The following PCDH15 variants were observed in gnomAD, a reference collection of about 807,000 sequenced individuals.
PCDH15 encodes protocadherin-15.
Under a neutral mutation model 178.5 loss-of-function variants are expected in PCDH15, and 129 were observed. The ratio of observed to expected loss-of-function variants is 0.72; its 90% confidence interval spans 0.63 to 0.84. The LOEUF is 0.84. Ranked by LOEUF, PCDH15 falls within the 40% of genes least tolerant of loss-of-function variation. PCDH15 has a pLI of 0.00. For missense variants in PCDH15, 2,230 were observed against 2,099.9 expected (o/e 1.06, Z -1.21); for synonymous variants, 800 against 732.0 (o/e 1.09, Z -1.50).
chr10:54,566,424 G>A (rs2089041847), intron 2 of PCDH15, among the ~76,000 whole-genome samples: 1 of 152,106 alleles, frequency 6.6e-6, no homozygotes, highest in Non-Finnish European at 1.5e-5. Flanking sequence ...ATAATGAGAT[G>A]TTTCTATCAT....
intron 3 of PCDH15, among the ~76,000 whole-genome samples, chr10:54,438,626 G>T (rs1288135179): frequency 1.3e-5 from 2 of 152,040 alleles, no homozygotes; most frequent in African/African-American, 4.8e-5. Context: ...GTAACAACTT[G>T]CCATGTTTAG....
chr10:55,605,193 C>T (rs970064265), intron 2 of PCDH15, among the ~76,000 whole-genome samples: 70 of 151,580 alleles, frequency 4.6e-4, no homozygotes, highest in African/African-American at 1.5e-3. Context: ...AAGACTAAAC[C>T]AGGAAGAAGT....
intron 14 of PCDH15, among the ~76,000 whole-genome samples, chr10:54,139,028 T>G (rs2043140717): frequency 6.6e-6 from 1 of 152,168 alleles, no homozygotes; most frequent in African/African-American, 2.4e-5. Flanking sequence ...ACATTTTTGA[T>G]AAAATAAAAA....
At chr10:53,985,538 G>T (rs1160175033) in intron 21 of PCDH15, among the ~76,000 whole-genome samples, 1 of 152,124 alleles carries the variant, frequency 6.6e-6, no homozygotes, top group Non-Finnish European at 1.5e-5. Flanking sequence ...AGCCAGGTGT[G>T]AAGCCAAACA....
At chr10:55,573,232 C>T (rs992394209) in intron 2 of PCDH15, among the ~76,000 whole-genome samples, 2 of 151,964 alleles carry the variant, frequency 1.3e-5, no homozygotes, top group Non-Finnish European at 2.9e-5. Context: ...GTTAAAGCAA[C>T]AAAGGTAAAT....
At chr10:54,635,018 C>T (rs888408418) in intron 2 of PCDH15, among the ~76,000 whole-genome samples, 1 of 151,704 alleles carries the variant, frequency 6.6e-6, no homozygotes, top group Admixed American at 6.6e-5. Flanking sequence ...AAGCCATAAA[C>T]TCATCATTGA....
chr10:55,211,175 G>A (rs1231247143), intron 1 of PCDH15, among the ~76,000 whole-genome samples: 1 of 151,964 alleles, frequency 6.6e-6, no homozygotes, highest in Non-Finnish European at 1.5e-5. Flanking sequence ...GGGGAAAGTG[G>A]GAGACAGCTT....
chr10:54,756,056 A>ACACACACACACACACACAC (rs1947047019), intron 1 of PCDH15, among the ~76,000 whole-genome samples: 30 of 71,674 alleles, frequency 4.2e-4, no homozygotes, highest in African/African-American at 1.2e-3. Flanking sequence ...CTCTACTAAA[A>ACACACACACACACACACAC]ACACACACAC....
intron 2 of PCDH15, among the ~76,000 whole-genome samples, chr10:55,130,262 G>A (rs980831119): frequency 1.3e-5 from 2 of 152,122 alleles, no homozygotes; most frequent in Non-Finnish European, 2.9e-5. Context: ...GAAATTTGAG[G>A]AGACTCTGAA....
At chr10:55,296,023 G>T (rs1015336288) in intron 1 of PCDH15, among the ~76,000 whole-genome samples, 27 of 152,082 alleles carry the variant, frequency 1.8e-4, no homozygotes, top group African/African-American at 6.3e-4. Flanking sequence ...ATACTTTGCT[G>T]TAATGACTCA....
chr10:55,187,020 G>A (rs1002347632), intron 1 of PCDH15, among the ~76,000 whole-genome samples: 1 of 151,772 alleles, frequency 6.6e-6, no homozygotes, highest in African/African-American at 2.4e-5. Context: ...ATGAATAAAT[G>A]CACTTATTTT....
chr10:54,496,443 T>C (rs1234794778), intron 3 of PCDH15, among the ~76,000 whole-genome samples: 1 of 152,118 alleles, frequency 6.6e-6, no homozygotes, highest in Non-Finnish European at 1.5e-5. Flanking sequence ...AAGTCACACA[T>C]TGAAGATGGC....
intron 16 of PCDH15, among the ~76,000 whole-genome samples, chr10:54,084,769 G>A (rs2094491568): frequency 6.6e-6 from 1 of 152,168 alleles, no homozygotes; most frequent in East Asian, 1.9e-4. Flanking sequence ...CATATTTCAT[G>A]ATGTATAGGC....
At chr10:54,408,878 G>T (rs12268680) in intron 3 of PCDH15, among the ~76,000 whole-genome samples, 10 of 152,120 alleles carry the variant, frequency 6.6e-5, no homozygotes, top group Non-Finnish European at 1.5e-5. Flanking sequence ...CCAGGCATCT[G>T]GATCATGGGA....
intron 2 of PCDH15, among the ~76,000 whole-genome samples, chr10:55,458,916 A>G (rs537614243): frequency 2.6e-5 from 4 of 152,202 alleles, no homozygotes; most frequent in Non-Finnish European, 4.4e-5. Flanking sequence ...CAAAAAGTTT[A>G]TAACTATAAG....
chr10:54,022,051 G>T (rs1478216173), intron 19 of PCDH15, among the ~76,000 whole-genome samples: 1 of 151,880 alleles, frequency 6.6e-6, no homozygotes, highest in African/African-American at 2.4e-5. Flanking sequence ...ATTATGGAAG[G>T]GATACAGAGT....
chr10:55,056,228 C>A (rs1401939577), intron 2 of PCDH15, among the ~76,000 whole-genome samples: 1 of 152,144 alleles, frequency 6.6e-6, no homozygotes, highest in Non-Finnish European at 1.5e-5. Context: ...AACAACAACA[C>A]CACCATTAAA....
intron 8 of PCDH15, among the ~76,000 whole-genome samples, chr10:54,270,083 G>A (rs556600381): frequency 6.6e-6 from 1 of 151,934 alleles, no homozygotes; most frequent in South Asian, 2.1e-4. Flanking sequence ...TGCCTTATTG[G>A]GTAGTCATTT....
chr10:55,417,659 A>G (rs1325546426), intron 2 of PCDH15, among the ~76,000 whole-genome samples: 1 of 151,652 alleles, frequency 6.6e-6, no homozygotes, highest in Non-Finnish European at 1.5e-5. Context: ...ATCAAAATAT[A>G]GGGTAGAATA....
Sources: gnomAD v4.1 joint callset for allele counts (sites outside exome capture counted in the v4.1 genomes callset) on GRCh38, gnomAD v4.1.1 for gene constraint, MANE v1.5 for transcripts, NCBI Gene and HGNC (gene_info 2026-07-23, HGNC 2026-07-21) for gene names.